TAB2: variants seen among roughly 807,000 people sequenced by gnomAD.
TAB2 encodes the protein TGF-beta activated kinase 1 (MAP3K7) binding protein 2.
TAB2 carries 3 observed loss-of-function variants against 65.0 expected under a neutral mutation model. That is an observed-to-expected ratio of 0.05 (90% CI 0.02 to 0.12). The LOEUF is 0.12. Among genes scored for constraint, TAB2 ranks in the 10% least tolerant of loss-of-function variants. The pLI, the probability that TAB2 is intolerant of heterozygous loss-of-function variation, is 1.00. For missense variants in TAB2, 623 were observed against 840.3 expected (o/e 0.74, Z 3.20); for synonymous variants, 298 against 285.1 (o/e 1.05, Z -0.46).
intron 2 of TAB2, among the ~76,000 whole-genome samples, chr6:149,371,962 G>C (rs1347112097): frequency 2.6e-5 from 4 of 152,114 alleles, no homozygotes; most frequent in Non-Finnish European, 5.9e-5. Flanking sequence ...AACTTTTCAA[G>C]TAAAAGAGAA....
upstream of TAB2, among the ~76,000 whole-genome samples, chr6:149,314,359 C>A (rs183092851): frequency 4.3e-4 from 65 of 152,306 alleles, no homozygotes; most frequent in African/African-American, 1.5e-3. Flanking sequence ...AGTCCAGGCT[C>A]AGCAGCTCAG....
intron 1 of TAB2, among the ~76,000 whole-genome samples, chr6:149,253,385 CCAAGACGG>C (rs765410204): frequency 6.6e-6 from 1 of 152,108 alleles, no homozygotes; most frequent in African/African-American, 2.4e-5. Flanking sequence ...CTTTGGGAGA[CCAAGACGG>C]GCGGATCACT....
At chr6:149,400,381 C>T (rs373938642) in intron 6 of TAB2, 22 of 1,613,066 alleles carry the variant, frequency 1.4e-5, no homozygotes, top group African/African-American at 2.7e-5. Flanking sequence ...GAGGAGACTC[C>T]GGTGTTCACC....
rs567722935 is a variant in TAB2 at position 149,226,056 on chromosome 6, C to CA, written c.-121+7284dup. The stretch of plus-strand genomic sequence containing the variant: ...AACAAGGGATTAAACTGCCCCAGGA[C>CA]AAAAGCGATTCATAAAAGTACACAA... On this transcript the variant is annotated intron_variant, in intron 1 of 1. Transcript: ENST00000606202. Among the ~76,000 whole-genome samples the CA allele has an allele frequency of 7.2e-4, 109 of 152,162 alleles. No homozygotes were observed. The Middle Eastern group carries it at 0.01, about 14-fold the overall frequency.
intron 1 of TAB2, among the ~76,000 whole-genome samples, chr6:149,333,251 A>T (rs1432907791): frequency 6.6e-6 from 1 of 152,214 alleles, no homozygotes; most frequent in East Asian, 1.9e-4. Flanking sequence ...CAAGCATTCT[A>T]GCCCTAGAGA....
chr6:149,265,136 C>T (rs1778234733), intron 1 of TAB2, among the ~76,000 whole-genome samples: 1 of 147,894 alleles, frequency 6.8e-6, no homozygotes, highest in African/African-American at 2.5e-5. Context: ...AGAGTTTTGA[C>T]TCATTTGAAA....
intron 6 of TAB2, among the ~76,000 whole-genome samples, chr6:149,407,285 C>G (rs1782697496): frequency 6.6e-6 from 1 of 152,144 alleles, no homozygotes; most frequent in Admixed American, 6.5e-5. Context: ...GTATAATCTT[C>G]CTACCCTTTT....
intron 1 of TAB2, among the ~76,000 whole-genome samples, chr6:149,287,482 GT>G (rs35420416): frequency 2.7e-5 from 4 of 149,004 alleles, no homozygotes; most frequent in Non-Finnish European, 4.5e-5. Flanking sequence ...TTTGTTTTCT[GT>G]TTTTTTTTTT....
intron 3 of TAB2, among the ~76,000 whole-genome samples, chr6:149,396,008 C>A (rs886201039): frequency 1.3e-5 from 2 of 151,910 alleles, no homozygotes; most frequent in Admixed American, 1.3e-4. Context: ...GAATTCTTTT[C>A]TCTCTCTGTC....
chr6:149,236,127 G>A (rs570154366), intron 1 of TAB2, among the ~76,000 whole-genome samples: 2 of 152,246 alleles, frequency 1.3e-5, no homozygotes, highest in East Asian at 3.9e-4. Context: ...ATTACCTATT[G>A]GGGACAGTGC....
chr6:149,400,297 C>T (rs1583160866), intron 6 of TAB2: 2 of 1,402,654 alleles, frequency 1.4e-6, no homozygotes, highest in Non-Finnish European at 1.9e-6. Flanking sequence ...ACCGCTGTCA[C>T]CTCCTGCTGC....
rs923740936 is a variant in TAB2, at chr6:149,336,746, G to A, written c.-90+18731G>A. Among the ~76,000 whole-genome samples the A allele has an allele frequency of 3.3e-5, 5 of 152,236 alleles. No individual in the cohort carries two copies. The South Asian group carries it at 8.3e-4, about 25-fold the overall frequency. ...TAACATTCTAAGCAAGGGCAGTAGT[G>A]TAGTAAGCAAAGAAAGGAAAGTGTG... On this transcript the variant is annotated intron_variant, in intron 1 of 6. Coordinates refer to ENST00000637181, the MANE Select transcript of TAB2 (RefSeq NM_001292034.3).
chr6:149,237,325 A>G (rs546245433), intron 1 of TAB2, among the ~76,000 whole-genome samples: 2 of 152,246 alleles, frequency 1.3e-5, no homozygotes, highest in African/African-American at 4.8e-5. Context: ...GTCTTCTTGC[A>G]TTGTGTTTCT....
rs148081115 is a variant in TAB2 at position 149,273,113 on chromosome 6, C to T, written c.-121+54337C>T. On this transcript the variant is annotated intron_variant, in intron 1 of 1. Coordinates refer to the TAB2 transcript ENST00000606202. ...GACAAAAGCATCGAGGACCACTGAT[C>T]GAGTGGGTAGAGGCCAGGGATGCTG... Among the ~76,000 whole-genome samples the T allele has an allele frequency of 4.9e-3, 744 of 152,124 alleles. 5 individuals carry two copies. Among genetic ancestry groups the T allele is most frequent in the Non-Finnish European group, 9.0e-3 (612 of 67,998 alleles).
intron 1 of TAB2, among the ~76,000 whole-genome samples, chr6:149,348,141 C>A (rs753636577): frequency 6.6e-6 from 1 of 152,014 alleles, no homozygotes; most frequent in Non-Finnish European, 1.5e-5. Context: ...ACCTGTTATC[C>A]CAGCACTTTG....
intron 1 of TAB2, among the ~76,000 whole-genome samples, chr6:149,299,958 T>C (rs1778942719): frequency 6.6e-6 from 1 of 152,120 alleles, no homozygotes; most frequent in Non-Finnish European, 1.5e-5. Context: ...CAACGAGCTA[T>C]GATTGTGCCA....
chr6:149,405,594 G>A (rs1436931195), intron 6 of TAB2, among the ~76,000 whole-genome samples: 1 of 152,220 alleles, frequency 6.6e-6, no homozygotes, highest in Non-Finnish European at 1.5e-5. Context: ...CCTGTCATTT[G>A]TGATAACATG....
intron 1 of TAB2, among the ~76,000 whole-genome samples, chr6:149,307,402 A>G (rs917854379): frequency 6.6e-5 from 10 of 152,178 alleles, no homozygotes; most frequent in African/African-American, 2.4e-4. Flanking sequence ...TAACAAACCA[A>G]GGAAGACGTG....
At chr6:149,384,679 C>G (rs1192377110) in intron 3 of TAB2, among the ~76,000 whole-genome samples, 6 of 152,194 alleles carry the variant, frequency 3.9e-5, no homozygotes, top group Non-Finnish European at 8.8e-5. Flanking sequence ...CCACCCAACT[C>G]TAGCTTCCAA....
Sources: allele counts gnomAD v4.1 joint callset (sites outside exome capture counted in the v4.1 genomes callset), GRCh38; gene constraint gnomAD v4.1.1; transcripts MANE v1.5; gene names NCBI Gene and HGNC (gene_info 2026-07-23, HGNC 2026-07-21).